MYO1H: variants seen among roughly 807,000 people sequenced by gnomAD.
The protein encoded by MYO1H is myosin IH.
In MYO1H, 118 loss-of-function variants were observed where a neutral mutation model predicts 149.3. The observed-to-expected ratio is 0.79, with a 90% confidence interval of 0.68 to 0.92. MYO1H has a LOEUF of 0.92. MYO1H is among the 40% of genes least tolerant of loss of function. MYO1H has a pLI of 0.00. For synonymous variants in MYO1H, 447 were observed against 465.2 expected, an observed-to-expected ratio of 0.96 and a Z score of 0.50; for missense variants, 1,212 against 1,280.7, an observed-to-expected ratio of 0.95 and a Z score of 0.82.
intron 15 of MYO1H, among the ~76,000 whole-genome samples, chr12:109,416,988 C>A (rs1870938484): frequency 6.7e-6 from 1 of 149,518 alleles, no homozygotes; most frequent in East Asian, 2.0e-4. Context: ...GCCTGGGCAA[C>A]AAGAGTGAAA....
the MYO1H span, among the ~76,000 whole-genome samples, chr12:109,323,549 A>G: frequency 1.3e-5 from 2 of 152,314 alleles, no homozygotes; most frequent in South Asian, 4.2e-4. Flanking sequence ...ATCTTATTAA[A>G]AAGCAGATTC....
At chr12:109,434,210 G>A (rs142089760) in intron 20 of MYO1H, among the ~76,000 whole-genome samples, 9,634 of 152,048 alleles carry the variant, frequency 0.063, 367 homozygotes, top group Middle Eastern at 0.085. Context: ...GGGTTTCACC[G>A]CGTTTGTCAG....
At chr12:109,446,248 C>T in intron 31 of MYO1H, 2 of 985,414 alleles carry the variant, frequency 2.0e-6, no homozygotes, top group South Asian at 9.4e-5. Context: ...CCTGACTGTG[C>T]CCATGCTGGG....
rs1336112072 is a variant in MYO1H at position 109,440,729 on chromosome 12, G to A, written c.2455-15G>A. On this transcript the variant is annotated splice_polypyrimidine_tract_variant and intron_variant, in intron 24 of 31. Coordinates refer to ENST00000310903, the Ensembl canonical transcript of MYO1H. ...GTGAGTGAGGCAAGTGGAAAGAAGT[G>A]TGTTCTCCACACAGGCATCAGATCT... 1.3e-6 allele frequency: 2 copies of A among 1,553,234 alleles called. No homozygotes were observed. Among genetic ancestry groups the A allele is most frequent in the South Asian group, 1.2e-5 (1 of 84,152 alleles).
intron 1 of MYO1H, among the ~76,000 whole-genome samples, chr12:109,349,624 C>T (rs1190213229): frequency 6.8e-6 from 1 of 146,662 alleles, no homozygotes; most frequent in East Asian, 2.0e-4. Flanking sequence ...TCATGCCATG[C>T]ACTCAGCCTG....
At chr12:109,332,145 T>G in the MYO1H span, among the ~76,000 whole-genome samples, 4 of 152,248 alleles carry the variant, frequency 2.6e-5, no homozygotes, top group African/African-American at 9.6e-5. Flanking sequence ...AGGATTTTCA[T>G]GAACCTCAGT....
intron 1 of MYO1H, among the ~76,000 whole-genome samples, chr12:109,355,427 A>G (rs1480204713): frequency 6.6e-6 from 1 of 152,046 alleles, no homozygotes; most frequent in Non-Finnish European, 1.5e-5. Flanking sequence ...CTCAAGCAGG[A>G]CCTGAGGTTT....
intron 1 of MYO1H, among the ~76,000 whole-genome samples, chr12:109,384,907 C>A (rs1869270828): frequency 6.6e-6 from 1 of 152,192 alleles, no homozygotes; most frequent in African/African-American, 2.4e-5. Context: ...CACCAACCCA[C>A]CTCCAATTTA....
chr12:109,447,870 C>G (rs1411533090), exon 32 of MYO1H: 2 of 152,388 alleles, frequency 1.3e-5, no homozygotes, highest in Non-Finnish European at 2.9e-5. Context: ...CGAATGAATA[C>G]AAATTTTATT....
At chr12:109,400,515 G>A (rs548258031) in intron 5 of MYO1H, among the ~76,000 whole-genome samples, 2 of 152,038 alleles carry the variant, frequency 1.3e-5, no homozygotes, top group Admixed American at 1.3e-4. Context: ...TAATTGGGTT[G>A]TCAATTCTTT....
At chr12:109,393,057 C>T (rs780322426) in intron 2 of MYO1H, among the ~76,000 whole-genome samples, 3 of 152,056 alleles carry the variant, frequency 2.0e-5, no homozygotes, top group Admixed American at 1.3e-4. Context: ...ATCCACCCGC[C>T]TCGGCCTCCC....
chr12:109,366,278 C>T (rs1868863196), intron 1 of MYO1H, among the ~76,000 whole-genome samples: 1 of 152,192 alleles, frequency 6.6e-6, no homozygotes, highest in South Asian at 2.1e-4. Flanking sequence ...GTACCAATGT[C>T]CCATTAACTT....
the MYO1H span, among the ~76,000 whole-genome samples, chr12:109,328,157 C>T: frequency 4.2e-5 from 6 of 142,624 alleles, no homozygotes; most frequent in African/African-American, 7.8e-5. Context: ...TATATATATG[C>T]GTGTGTGTGT....
At chr12:109,387,950 C>T (rs935169042) in intron 1 of MYO1H, among the ~76,000 whole-genome samples, 1 of 152,214 alleles carries the variant, frequency 6.6e-6, no homozygotes, top group Non-Finnish European at 1.5e-5. Context: ...GTGACCGAAC[C>T]AGCTCTGGCC....
intron 6 of MYO1H, among the ~76,000 whole-genome samples, chr12:109,403,467 G>A (rs1393537050): frequency 6.6e-6 from 1 of 152,160 alleles, no homozygotes; most frequent in African/African-American, 2.4e-5. Flanking sequence ...AACTTCTGGA[G>A]TTCATGGGGA....
intron 2 of MYO1H, among the ~76,000 whole-genome samples, chr12:109,390,336 C>G (rs1358797719): frequency 1.3e-5 from 2 of 150,988 alleles, no homozygotes; most frequent in African/African-American, 4.9e-5. Context: ...CCACCACACC[C>G]AGCTATTTTA....
At chr12:109,356,389 GT>G (rs3036281) in intron 1 of MYO1H, among the ~76,000 whole-genome samples, 1 of 149,770 alleles carries the variant, frequency 6.7e-6, no homozygotes, top group Non-Finnish European at 1.5e-5. Context: ...GTTTGTTTTT[GT>G]TTTTTTTTTG....
chr12:109,375,799 A>C (rs1869075781), intron 1 of MYO1H, among the ~76,000 whole-genome samples: 1 of 152,102 alleles, frequency 6.6e-6, no homozygotes, highest in Non-Finnish European at 1.5e-5. Flanking sequence ...GCAATATGGC[A>C]AAACCCTTTC....
intron 9 of MYO1H, 136 bp downstream of exon 9, chr12:109,406,996 G>C (rs1260517623): frequency 8.5e-6 from 6 of 703,098 alleles, no homozygotes; most frequent in Non-Finnish European, 1.5e-5. Flanking sequence ...TCCAGCTCCT[G>C]TGGAGTGTCC....
Sources: gnomAD v4.1 joint callset for allele counts (sites outside exome capture counted in the v4.1 genomes callset) on GRCh38, gnomAD v4.1.1 for gene constraint, MANE v1.5 for transcripts, NCBI Gene and HGNC (gene_info 2026-07-23, HGNC 2026-07-21) for gene names.